BRAF: variants seen among roughly 807,000 people sequenced by gnomAD.
BRAF encodes the protein B-Raf proto-oncogene, serine/threonine kinase.
Under a neutral mutation model 104.6 loss-of-function variants are expected in BRAF, and 16 were observed. The observed-to-expected ratio is 0.15, with a 90% confidence interval of 0.10 to 0.23. The LOEUF (loss-of-function observed/expected upper bound fraction) is 0.23, where lower values mean the gene tolerates loss of function less well. Ranked by LOEUF, BRAF falls within the 10% of genes least tolerant of loss-of-function variation. The pLI, the probability that BRAF is intolerant of heterozygous loss-of-function variation, is 1.00. For synonymous variants in BRAF, 310 were observed against 341.6 expected, an observed-to-expected ratio of 0.91 and a Z score of 1.02; for missense variants, 541 against 937.3, an observed-to-expected ratio of 0.58 and a Z score of 5.52.
At position 140,834,360 on chromosome 7, in the gene BRAF, A is replaced by T; in HGVS notation, c.504+249T>A. 3 of 605,192 alleles carry T rather than the reference A, an allele frequency of 5.0e-6. No individual in the cohort carries two copies. The East Asian group carries it at 8.3e-5, about 17-fold the overall frequency. 37.5% of individuals were successfully genotyped at this position (605,192 alleles called of 1,614,324 possible). On this transcript the variant is annotated intron_variant, in intron 3 of 19. Transcript: ENST00000644969. ...ATTTATTTTAAACTAGTGCTTAGAC[A>T]TGACTGTGGTTCAAGTTTGGCAGAC...
chr7:140,858,267 C>A (rs1810023086), intron 1 of BRAF, among the ~76,000 whole-genome samples: 1 of 152,184 alleles, frequency 6.6e-6, no homozygotes, highest in Non-Finnish European at 1.5e-5. Context: ...AGACATCACC[C>A]ATGAAGTATA....
At chr7:140,806,188 ATACT>A (rs941544655) in intron 5 of BRAF, among the ~76,000 whole-genome samples, 31 of 152,180 alleles carry the variant, frequency 2.0e-4, no homozygotes, top group African/African-American at 7.0e-4. Context: ...TCTTTACTTG[ATACT>A]TACTTCCTCA....
intron 12 of BRAF, chr7:140,780,627 T>G (rs1800777376): frequency 6.6e-6 from 1 of 152,226 alleles, no homozygotes; most frequent in African/African-American, 2.4e-5. Flanking sequence ...TTGAAAAATT[T>G]CATATACCAA....
chr7:140,782,463 CAAAAAA>C (rs56390228), intron 11 of BRAF, among the ~76,000 whole-genome samples: 3 of 103,586 alleles, frequency 2.9e-5, no homozygotes, highest in African/African-American at 8.6e-5. Context: ...TCGGTCTTTC[CAAAAAA>C]AAAAAAAAAA....
At chr7:140,800,012 A>C (rs1402892624) in intron 7 of BRAF, 1 of 404,526 alleles carries the variant, frequency 2.5e-6, no homozygotes, top group African/African-American at 2.0e-5. Flanking sequence ...TGATAAAATA[A>C]GTTATTTGGG....
chr7:140,776,149 T>C (rs932674898), intron 14 of BRAF, among the ~76,000 whole-genome samples: 1 of 152,122 alleles, frequency 6.6e-6, no homozygotes, highest in African/African-American at 2.4e-5. Flanking sequence ...CTTCATAACA[T>C]TATAAAGATT....
At chr7:140,768,165 T>C (rs982998226) in intron 14 of BRAF, among the ~76,000 whole-genome samples, 1 of 152,224 alleles carries the variant, frequency 6.6e-6, no homozygotes, top group Non-Finnish European at 1.5e-5. Context: ...TTAATGACAG[T>C]TATCTCTTGA....
At position 140,749,379 on chromosome 7, in the gene BRAF, T is replaced by C; in HGVS notation, c.2020A>G (p.Ser674Gly). 6.2e-7 allele frequency: 1 copy of C among 1,613,268 alleles called. No individual in the cohort carries two copies. Among genetic ancestry groups the C allele is most frequent in the Non-Finnish European group, 8.5e-7 (1 of 1,179,538 alleles). ...AATGCATATACATCTGACTGAAAGC[T>C]GTATGGATTTTTATCTTGCATTCTG... ...VIRMQDKNPYSFQSDVYAFGI... is the reference protein window; with the variant it reads ...VIRMQDKNPYGFQSDVYAFGI... The change falls in exon 17 of 20, where the codon AGC becomes GGC. Residue 674 changes from serine (S) to glycine (G), a missense_variant. Around this residue, in one of 10 missense-constraint regions of BRAF, gnomAD observed 129 missense variants for 285.8 expected, o/e 0.45. Transcript: ENST00000644969.
chr7:140,743,619 T>C (rs1441775489), intron 17 of BRAF, among the ~76,000 whole-genome samples: 1 of 151,908 alleles, frequency 6.6e-6, no homozygotes, highest in Non-Finnish European at 1.5e-5. Flanking sequence ...ATATACCTAA[T>C]GCTAAATGAT....
chr7:140,898,211 A>G (rs1815182109), intron 1 of BRAF, among the ~76,000 whole-genome samples: 1 of 152,196 alleles, frequency 6.6e-6, no homozygotes, highest in South Asian at 2.1e-4. Flanking sequence ...AAAATAAATA[A>G]ATAAAAATAC....
chr7:140,893,141 C>T (rs927080188), intron 1 of BRAF, among the ~76,000 whole-genome samples: 1 of 152,052 alleles, frequency 6.6e-6, no homozygotes, highest in African/African-American at 2.4e-5. Context: ...GTGATGTATT[C>T]CCAGGGTAGA....
intron 3 of BRAF, among the ~76,000 whole-genome samples, chr7:140,828,599 TCAAGTA>T (rs1806344145): frequency 2.6e-5 from 4 of 152,174 alleles, no homozygotes; most frequent in Non-Finnish European, 2.9e-5. Context: ...AGAAAAACCT[TCAAGTA>T]CAAGTCTTTT....
intron 1 of BRAF, among the ~76,000 whole-genome samples, chr7:140,908,830 A>G (rs903881091): frequency 2.9e-5 from 4 of 135,696 alleles, no homozygotes; most frequent in Non-Finnish European, 6.8e-5. Flanking sequence ...CTTCACCCCA[A>G]TGGTCCACCA....
intron 7 of BRAF, 103 bp from the exon 8 acceptor site, chr7:140,794,570 A>G (rs1802327657): frequency 1.5e-6 from 2 of 1,336,088 alleles, no homozygotes; most frequent in Non-Finnish European, 2.1e-6. Context: ...TTATATTCTC[A>G]AAATCATTAA....
chr7:140,873,166 C>CTT (rs1165344332), intron 1 of BRAF, among the ~76,000 whole-genome samples: 1,183 of 98,950 alleles, frequency 0.012, 2 homozygotes, highest in Non-Finnish European at 0.017. Flanking sequence ...CAGTCTGTGG[C>CTT]TTTTTTTTTT....
intron 7 of BRAF, 163 bp downstream of exon 7, chr7:140,800,199 T>A: frequency 8.9e-7 from 1 of 1,119,906 alleles, no homozygotes. Flanking sequence ...TCCCATTTAT[T>A]TGTATCAAAT....
At chr7:140,921,378 T>C (rs1008713997) in intron 1 of BRAF, among the ~76,000 whole-genome samples, 4 of 152,164 alleles carry the variant, frequency 2.6e-5, no homozygotes, top group African/African-American at 9.6e-5. Context: ...AATATTCTAT[T>C]TTGAGCACCT....
Position 140,721,116 on chromosome 7 carries a change from C to CAG in BRAF, c.*5377_*5378insCT, listed in dbSNP as rs1413110447. On this transcript the variant is annotated 3_prime_UTR_variant, in exon 20 of 20. Transcript: ENST00000644969. Reference sequence around the variant, plus strand: ...TCTAAAAAATGGATACACTGGCTTACATTGGCTGTGTCCTCATACACACTC... The same window carrying CAG: ...TCTAAAAAATGGATACACTGGCTTACAGATTGGCTGTGTCCTCATACACACTC... The CAG allele has an allele frequency of 9.4e-7, 1 of 1,064,438 alleles. No homozygotes were observed. Among genetic ancestry groups the CAG allele is most frequent in the Non-Finnish European group, 1.1e-6 (1 of 878,732 alleles). 65.9% of individuals were successfully genotyped at this position (1,064,438 alleles called of 1,614,324 possible). A position where few individuals can be genotyped will look rare whatever the true frequency, so the allele number is the denominator to read the frequency against.
At chr7:140,775,567 G>A (rs62487916) in intron 14 of BRAF, among the ~76,000 whole-genome samples, 8,619 of 150,730 alleles carry the variant, frequency 0.057, 288 homozygotes, top group South Asian at 0.12. Flanking sequence ...TTGAACTCCC[G>A]ACCTCAGGTG....
Sources: gnomAD v4.1 joint callset for allele counts (sites outside exome capture counted in the v4.1 genomes callset) on GRCh38, gnomAD v4.1.1 for gene constraint, gnomAD v4.1.1 regional missense constraint, MANE v1.5 for transcripts, NCBI Gene and HGNC (gene_info 2026-07-23, HGNC 2026-07-21) for gene names.